RPS6: variants seen among roughly 807,000 people sequenced by gnomAD.
RPS6 encodes the protein ribosomal protein S6.
In RPS6, 1 loss-of-function variant was observed where a neutral mutation model predicts 27.1. The observed-to-expected ratio is 0.04, with a 90% confidence interval of 0.01 to 0.18. The LOEUF (loss-of-function observed/expected upper bound fraction) is 0.18. Ranked by LOEUF, RPS6 falls within the 10% of genes least tolerant of loss-of-function variation. The pLI is 1.00. For missense variants in RPS6, 259 were observed against 319.1 expected (o/e 0.81, Z 1.44); for synonymous variants, 152 against 106.0 (o/e 1.43, Z -2.66).
Position 19,376,344 on chromosome 9 carries a change from T to G in RPS6, c.699A>C (p.Arg233Ser). 1.2e-6 allele frequency: 2 copies of G among 1,614,172 alleles called. No individual in the cohort carries two copies. The highest frequency in any genetic ancestry group is 1.7e-6 in the Non-Finnish European group (2 of 1,180,032). Residue 233 changes from arginine (R) to serine (S), a missense_variant, in exon 6 of 6, where the codon AGA (arginine) becomes AGC (serine). By Grantham distance (110) the Arg-to-Ser change is moderately radical. Around this residue, in one of 3 missense-constraint regions of RPS6, gnomAD observed 191 missense variants for 231.6 expected, o/e 0.82. Transcript: ENST00000380394. ...AAGTAGAAGCTCGCAGAGAGGAAAG[T>G]CTGCGTCTCTTCGCAATTTGTTCCT... ...KRQEQIAKRR[R>S]LSSLRASTSK...
chr9:19,379,319 G>A (rs974777142), intron 2 of RPS6, 168 bp downstream of exon 2: 26 of 1,503,984 alleles, frequency 1.7e-5, no homozygotes, highest in African/African-American at 1.4e-4. Flanking sequence ...CTTACTCTAC[G>A]TCCCCCCCTC....
In RPS6 at chr9:19,380,228, G is replaced by C. The variant is rs771826675; in HGVS notation, c.-33C>G. ...CAGCTGAACGCCTCCGAGGCGCCAC[G>C]GAAAAGAGGGCCAACTTCCGCTTAG... On this transcript the variant is annotated 5_prime_UTR_variant, in exon 1 of 6. Coordinates refer to ENST00000380394, the MANE Select transcript of RPS6 (RefSeq NM_001010.3). The C allele has an allele frequency of 1.9e-6, 3 of 1,611,898 alleles. No homozygotes were observed. The highest frequency in any genetic ancestry group is 2.2e-5 in the East Asian group (1 of 44,856).
At chr9:19,378,634 C>A in intron 3 of RPS6, 74 bp downstream of exon 3, 1 of 1,576,768 alleles carries the variant, frequency 6.3e-7, no homozygotes, top group Non-Finnish European at 8.7e-7. Flanking sequence ...AGTCTGGATA[C>A]TGCAAATGAA....
chr9:19,376,940 A>G (rs1052587016), intron 4 of RPS6: 5 of 248,256 alleles, frequency 2.0e-5, no homozygotes, highest in East Asian at 8.8e-5. Flanking sequence ...ATGTTAATAT[A>G]TAACTGTGCA....
chr9:19,379,071 T>C, intron 2 of RPS6, 153 bp from the exon 3 acceptor site: 1 of 851,102 alleles, frequency 1.2e-6, no homozygotes, highest in Non-Finnish European at 1.8e-6. Context: ...CAGTGAGTTT[T>C]GTCTATATTC....
chr9:19,376,253 G>C lies in RPS6; in HGVS notation c.*40C>G. 2 of 1,517,580 alleles carry C rather than the reference G, an allele frequency of 1.3e-6. No homozygotes were observed. The highest frequency in any genetic ancestry group is 1.8e-6 in the Non-Finnish European group (2 of 1,105,044). The allele number at this position is 1,517,580 out of a possible 1,614,324, so 94.0% of individuals were successfully genotyped here. On this transcript the variant is annotated 3_prime_UTR_variant, in exon 6 of 6. Transcript: ENST00000380394. ...CTATCAGCAATGAAAAGTCAACAGA[G>C]ATCAGAGTCTGATCTTATTTATTTG...
In RPS6 at chr9:19,376,200, C is replaced by G. The variant is rs1829582873; in HGVS notation, c.*93G>C. 2.7e-6 allele frequency: 3 copies of G among 1,098,754 alleles called. No individual in the cohort carries two copies. The highest frequency in any genetic ancestry group is 4.0e-6 in the Non-Finnish European group (3 of 747,020). 68.1% of individuals were successfully genotyped at this position (1,098,754 alleles called of 1,614,324 possible). On this transcript the variant is annotated 3_prime_UTR_variant, in exon 6 of 6. Transcript: ENST00000380394. ...CATATCCCCATTTTCTATGACCTAA[C>G]TTTCCCTCTCTTCATTTATGTAGTT... is the stretch of plus-strand genomic sequence containing the variant.
chr9:19,376,737 C>T (rs1481113107), intron 4 of RPS6, 86 bp from the exon 5 acceptor site: 14 of 1,345,980 alleles, frequency 1.0e-5, no homozygotes, highest in Non-Finnish European at 1.3e-5. Flanking sequence ...TAAACGTAAG[C>T]TTAACAGCAT....
At chr9:19,380,035 A>C in intron 1 of RPS6, 155 bp downstream of exon 1, 3 of 1,549,878 alleles carry the variant, frequency 1.9e-6, no homozygotes, top group Non-Finnish European at 2.6e-6. Context: ...TTCGGCCAAA[A>C]AGCTCCATGC....
chr9:19,376,742 C>T (rs1266096342), intron 4 of RPS6, 91 bp from the exon 5 acceptor site: 4 of 1,317,260 alleles, frequency 3.0e-6, no homozygotes, highest in Admixed American at 2.5e-5. Context: ...GTAAGCTTAA[C>T]AGCATCTATG....
chr9:19,380,007 G>A, intron 1 of RPS6, 183 bp downstream of exon 1: 3 of 1,482,890 alleles, frequency 2.0e-6, no homozygotes, highest in Non-Finnish European at 2.7e-6. Context: ...GGCTCCAGCC[G>A]CAATCGCCTG....
chr9:19,376,957 A>C (rs1348830070), intron 4 of RPS6: 8 of 209,154 alleles, frequency 3.8e-5, no homozygotes, highest in African/African-American at 1.9e-4. Flanking sequence ...TGCATAGTTA[A>C]TTTGTCTGTG....
chr9:19,379,862 C>T, intron 1 of RPS6: 1 of 1,424,174 alleles, frequency 7.0e-7, no homozygotes, highest in East Asian at 2.5e-5. Flanking sequence ...GAGGGCACTC[C>T]GCAGCCGTTC....
At chr9:19,379,923 C>T in intron 1 of RPS6, 1 of 1,430,740 alleles carries the variant, frequency 7.0e-7, no homozygotes, top group Non-Finnish European at 9.1e-7. Context: ...ACAGGCCTGC[C>T]GCAAACTGGG....
chr9:19,380,217 C>A lies in RPS6; in HGVS notation c.-22G>T. The A allele has an allele frequency of 6.2e-7, 1 of 1,613,282 alleles. No individual in the cohort carries two copies. Among genetic ancestry groups the A allele is most frequent in the Non-Finnish European group, 8.5e-7 (1 of 1,179,242 alleles). The stretch of plus-strand genomic sequence containing the variant: ...TCATCTTGAAGCAGCTGAACGCCTC[C>A]GAGGCGCCACGGAAAAGAGGGCCAA... On this transcript the variant is annotated 5_prime_UTR_variant, in exon 1 of 6. Transcript: ENST00000380394.
At chr9:19,379,779 A>C (rs1829648920) in intron 1 of RPS6, 161 bp from the exon 2 acceptor site, 1 of 1,463,322 alleles carries the variant, frequency 6.8e-7, no homozygotes. Flanking sequence ...ACGTGAAAGC[A>C]GAGTAGCAGT....
At chr9:19,379,890 A>G (rs1829650564) in intron 1 of RPS6, 4 of 1,421,362 alleles carry the variant, frequency 2.8e-6, no homozygotes, top group Middle Eastern at 5.2e-4. Flanking sequence ...CGAAGCAAGA[A>G]AGCCGGGGTC....
In RPS6 at chr9:19,376,218, A is replaced by G. The variant is rs897066932; in HGVS notation, c.*75T>C. ...GACCTAACTTTCCCTCTCTTCATTT[A>G]TGTAGTTTTCTATCAGCAATGAAAA... On this transcript the variant is annotated 3_prime_UTR_variant, in exon 6 of 6. Transcript: ENST00000380394. 1 of 1,254,090 alleles carries G rather than the reference A, an allele frequency of 8.0e-7. No homozygotes were observed. Among genetic ancestry groups the G allele is most frequent in the Non-Finnish European group, 1.1e-6 (1 of 878,702 alleles). The allele number at this position is 1,254,090 out of a possible 1,614,324, so 77.7% of individuals were successfully genotyped here. A position where few individuals can be genotyped will look rare whatever the true frequency, so the allele number is the denominator to read the frequency against.
chr9:19,380,225 C>T lies in RPS6; in HGVS notation c.-30G>A. 6.2e-7 allele frequency: 1 copy of T among 1,613,016 alleles called. No homozygotes were observed. The highest frequency in any genetic ancestry group is 8.5e-7 in the Non-Finnish European group (1 of 1,178,998). ...AAGCAGCTGAACGCCTCCGAGGCGCCACGGAAAAGAGGGCCAACTTCCGCT... is the reference window on the plus strand; with the variant it reads ...AAGCAGCTGAACGCCTCCGAGGCGCTACGGAAAAGAGGGCCAACTTCCGCT... On this transcript the variant is annotated 5_prime_UTR_variant, in exon 1 of 6. Coordinates refer to ENST00000380394, the MANE Select transcript of RPS6 (RefSeq NM_001010.3).
Sources: allele counts gnomAD v4.1 joint callset, GRCh38; gene constraint gnomAD v4.1.1; regional missense constraint gnomAD v4.1.1; transcripts MANE v1.5; gene names NCBI Gene and HGNC (gene_info 2026-07-23, HGNC 2026-07-21).